PRAMEF20: variants seen among roughly 807,000 people sequenced by gnomAD.
PRAMEF20 encodes PRAME family member 20.
Under a neutral mutation model 32.4 loss-of-function variants are expected in PRAMEF20, and 27 were observed. The observed-to-expected ratio is 0.83, with a 90% CI of 0.61 to 1.15. The LOEUF (loss-of-function observed/expected upper bound fraction) is 1.15. PRAMEF20 is among the 50% of genes most tolerant of loss of function. The pLI is 0.00. For missense variants in PRAMEF20, 604 were observed against 584.5 expected, an observed-to-expected ratio of 1.03 and a Z score of -0.34; for synonymous variants, 256 against 235.4, an observed-to-expected ratio of 1.09 and a Z score of -0.80.
upstream of PRAMEF20, among the ~76,000 whole-genome samples, chr1:13,413,234 T>C (rs1419569548): frequency 6.6e-6 from 1 of 152,208 alleles, no homozygotes; most frequent in African/African-American, 2.4e-5. Flanking sequence ...TTTCACCCTA[T>C]ACCTAAATCT....
chr1:13,413,313 T>TTAAC (rs1469629265), upstream of PRAMEF20, among the ~76,000 whole-genome samples: 15 of 152,318 alleles, frequency 9.8e-5, no homozygotes, highest in African/African-American at 3.4e-4. Context: ...CCAGTCAGGA[T>TTAAC]TAACTGGGTG....
At chr1:13,411,716 A>G (rs1387630291), upstream of PRAMEF20, among the ~76,000 whole-genome samples, 2 of 152,176 alleles carry the variant, frequency 1.3e-5, no homozygotes, top group African/African-American at 4.8e-5. Context: ...CTCTAGAGCA[A>G]AGGAAATCCT....
intron 1 of PRAMEF20, among the ~76,000 whole-genome samples, chr1:13,417,379 C>G (rs1641188479): frequency 6.6e-6 from 1 of 152,154 alleles, no homozygotes; most frequent in South Asian, 2.1e-4. Flanking sequence ...CCCCAAGTCC[C>G]CACTGGAGCC....
upstream of PRAMEF20, among the ~76,000 whole-genome samples, chr1:13,413,364 G>GTTGTTT (rs969063107): frequency 6.6e-5 from 10 of 151,782 alleles, no homozygotes; most frequent in Non-Finnish European, 1.5e-5. Context: ...TTTTGTTGTT[G>GTTGTTT]TTGTTTTTGT....
chr1:13,420,701 C>G (rs985331911), exon 3 of PRAMEF20: 2 of 1,613,798 alleles, frequency 1.2e-6, no homozygotes, highest in African/African-American at 2.7e-5. Flanking sequence ...CCCCAGCTGT[C>G]TAAAGACCTC....
At chr1:13,411,078 G>A in the PRAMEF20 span, among the ~76,000 whole-genome samples, 12 of 152,126 alleles carry the variant, frequency 7.9e-5, no homozygotes, top group South Asian at 4.1e-4. Flanking sequence ...GGCTGGTCTC[G>A]AACTCCTGAC....
At chr1:13,420,069 T>C (rs1027172922) in intron 2 of PRAMEF20, among the ~76,000 whole-genome samples, 2 of 152,182 alleles carry the variant, frequency 1.3e-5, no homozygotes, top group Non-Finnish European at 2.9e-5. Flanking sequence ...GTTTGTCCTT[T>C]ATGCCTGCAT....
At chr1:13,415,657 A>T (rs1641160724), upstream of PRAMEF20, among the ~76,000 whole-genome samples, 1 of 151,902 alleles carries the variant, frequency 6.6e-6, no homozygotes, top group African/African-American at 2.4e-5. Context: ...GGGCATGGTG[A>T]TGCATGCCTG....
rs1487101821 is a variant in PRAMEF20 at position 13,418,502 on chromosome 1, AG to A, written c.669del (p.Glu223AspfsTer9). On this transcript the variant is annotated frameshift_variant, in exon 2 of 3. Transcript: ENST00000602960. LOFTEE classifies it high-confidence loss of function. ...AATTGGACACTGCCCGTCCTGGCAG[AG>A]TTTACCCCATACCTCGGCCAGATGA... 2 of 1,613,944 alleles carry A rather than the reference AG, an allele frequency of 1.2e-6. No individual in the cohort carries two copies. Among genetic ancestry groups the A allele is most frequent in the Non-Finnish European group, 1.7e-6 (2 of 1,179,868 alleles).
chr1:13,416,458 T>C (rs774971492), exon 1 of PRAMEF20: 1 of 1,613,946 alleles, frequency 6.2e-7, no homozygotes, highest in Non-Finnish European at 8.5e-7. Context: ...CCCACGGAAC[T>C]TTTTCCCCCA....
rs1351922720 is a variant in PRAMEF20, at chr1:13,421,124, C to T, written c.1294C>T (p.Gln432Ter). 44 of 1,613,800 alleles carry T rather than the reference C, an allele frequency of 2.7e-5. No homozygotes were observed. Among genetic ancestry groups the T allele is most frequent in the Non-Finnish European group, 3.6e-5 (43 of 1,179,866 alleles). ...TATCGTCTGCCGGAGCAGATTTGCCCAACTTGGGGCTGAGCTGATGGGGAG... is the reference window on the plus strand; with the variant it reads ...TATCGTCTGCCGGAGCAGATTTGCCTAACTTGGGGCTGAGCTGATGGGGAG... The change falls in exon 3 of 3, where the codon CAA (glutamine) becomes TAA (stop). Residue 432 changes from glutamine (Q) to a stop codon, truncating the protein, a stop_gained. Transcript: ENST00000602960. LOFTEE classifies it high-confidence loss of function.
chr1:13,420,831 A>G (rs1641234696), exon 3 of PRAMEF20: 1 of 1,613,882 alleles, frequency 6.2e-7, no homozygotes, highest in East Asian at 2.2e-5. Context: ...AGACTGGCCA[A>G]TTTCAGCCTT....
chr1:13,416,370 C>A (rs1641169966), exon 1 of PRAMEF20: 1 of 1,612,898 alleles, frequency 6.2e-7, no homozygotes, highest in Non-Finnish European at 8.5e-7. Context: ...CATCCGGACT[C>A]CACCCAGACT....
exon 3 of PRAMEF20, chr1:13,421,076 C>T (rs1557477942): frequency 1.5e-5 from 24 of 1,613,796 alleles, no homozygotes; most frequent in Non-Finnish European, 1.9e-5. Flanking sequence ...TCCTGCCCCG[C>T]GGGAGAGTTA....
upstream of PRAMEF20, among the ~76,000 whole-genome samples, chr1:13,412,740 A>G (rs1641125758): frequency 6.6e-6 from 1 of 152,146 alleles, no homozygotes; most frequent in Non-Finnish European, 1.5e-5. Context: ...TTTTAAACCA[A>G]TCACATCCTC....
chr1:13,413,162 G>C (rs1826300), upstream of PRAMEF20, among the ~76,000 whole-genome samples: 2 of 151,706 alleles, frequency 1.3e-5, no homozygotes, highest in African/African-American at 4.8e-5. Flanking sequence ...CTCAGGACTA[G>C]GAAGGACATA....
At chr1:13,417,953 T>TGTGTGTGTGTGTGTGTGTGTGTGTGTG (rs1253350852) in intron 1 of PRAMEF20, among the ~76,000 whole-genome samples, 169 bp from the exon 3 acceptor site, 23 of 144,012 alleles carry the variant, frequency 1.6e-4, no homozygotes, top group East Asian at 2.2e-4. Context: ...TGTGTGTGTG[T>TGTGTGTGTGTGTGTGTGTGTGTGTGTG]TTAGTAGAGA....
chr1:13,419,139 A>G (rs1358517732), intron 2 of PRAMEF20, among the ~76,000 whole-genome samples: 1 of 152,144 alleles, frequency 6.6e-6, no homozygotes, highest in Non-Finnish European at 1.5e-5. Flanking sequence ...TAAATAAATA[A>G]AAAATACAAA....
At chr1:13,421,231 C>T in exon 3 of PRAMEF20, 1 of 1,613,870 alleles carries the variant, frequency 6.2e-7, no homozygotes, top group Non-Finnish European at 8.5e-7. Context: ...CACTTTACGA[C>T]CTGGAGGTAG....
Sources: allele counts gnomAD v4.1 joint callset (sites outside exome capture counted in the v4.1 genomes callset), GRCh38; gene constraint gnomAD v4.1.1; transcripts MANE v1.5; gene names NCBI Gene and HGNC (gene_info 2026-07-23, HGNC 2026-07-21).